The following ORC4 variants were observed in gnomAD, a reference collection of about 807,000 sequenced individuals.
The protein encoded by ORC4 is origin recognition complex subunit 4.
ORC4 carries 55 observed loss-of-function variants against 63.9 expected under a neutral mutation model. The ratio of observed to expected loss-of-function variants is 0.86; its 90% confidence interval spans 0.69 to 1.08. ORC4 has a LOEUF of 1.08. ORC4 is among the 50% of genes least tolerant of loss of function. The pLI is 0.00. For missense variants in ORC4, 511 were observed against 504.4 expected (o/e 1.01, Z -0.13); for synonymous variants, 150 against 168.5 (o/e 0.89, Z 0.85).
chr2:147,942,801 G>A (rs796243392), intron 10 of ORC4, among the ~76,000 whole-genome samples: 57 of 151,660 alleles, frequency 3.8e-4, no homozygotes, highest in East Asian at 2.7e-3. Flanking sequence ...AAAAAAAACC[G>A]TCACTATTTG....
At position 147,976,230 on chromosome 2, in the gene ORC4, G is replaced by A. The variant is rs2627027; in HGVS notation, c.-17-255C>T. Among the ~76,000 whole-genome samples the A allele has an allele frequency of 0.085, 12,978 of 151,832 alleles. 1,576 individuals carry two copies. The highest frequency in any genetic ancestry group is 0.27 in the African/African-American group (11,321 of 41,362). ...ATTTTTTTTTTAAAGTAAACTGAAGGTTTGTAGCAACTCTGTGTCCAACAA... is the reference window on the plus strand; with the variant it reads ...ATTTTTTTTTTAAAGTAAACTGAAGATTTGTAGCAACTCTGTGTCCAACAA... On this transcript the variant is annotated intron_variant, in intron 1 of 13. Transcript: ENST00000392857.
chr2:147,937,927 G>A (rs948745506), intron 13 of ORC4: 4 of 594,710 alleles, frequency 6.7e-6, no homozygotes, highest in African/African-American at 5.6e-5. Flanking sequence ...CAAGTGCTCT[G>A]AAGAGACAGC....
chr2:147,963,085 GACAA>G (rs1689697544), intron 4 of ORC4, among the ~76,000 whole-genome samples: 1 of 152,076 alleles, frequency 6.6e-6, no homozygotes, highest in Non-Finnish European at 1.5e-5. Flanking sequence ...TCCCAAACCT[GACAA>G]ACAGCACAGC....
In ORC4 at chr2:147,972,801, C is replaced by A; in HGVS notation, c.163G>T (p.Ala55Ser). 1 of 1,610,688 alleles carries A rather than the reference C, an allele frequency of 6.2e-7. No individual in the cohort carries two copies. Among genetic ancestry groups the A allele is most frequent in the Non-Finnish European group, 8.5e-7 (1 of 1,177,222 alleles). The change falls in exon 4 of 14, where the codon GCT becomes TCT. Residue 55 changes from alanine (A) to serine (S), a missense_variant. Coordinates refer to ENST00000392857, the MANE Select transcript of ORC4 (RefSeq NM_181741.4). Reference protein sequence around the residue: ...KHLSELLKRTALHGESNSVLI... With the variant: ...KHLSELLKRTSLHGESNSVLI... ...ACAGAGTTACTCTCTCCATGGAGAGCAGTTCTTTTCAGCAGCTCACTTAAG... is the reference window on the plus strand; with the variant it reads ...ACAGAGTTACTCTCTCCATGGAGAGAAGTTCTTTTCAGCAGCTCACTTAAG...
intron 1 of ORC4, among the ~76,000 whole-genome samples, chr2:148,002,743 G>C (rs928653339): frequency 1.3e-5 from 2 of 151,982 alleles, no homozygotes; most frequent in African/African-American, 4.8e-5. Flanking sequence ...GCCAGCAGAA[G>C]ACAAGAAATA....
intron 13 of ORC4, among the ~76,000 whole-genome samples, chr2:147,937,632 A>G (rs1688125774): frequency 6.6e-6 from 1 of 152,162 alleles, no homozygotes; most frequent in Admixed American, 6.6e-5. Context: ...TTTTTCTTAC[A>G]GGTACTAGAA....
intron 6 of ORC4, among the ~76,000 whole-genome samples, chr2:147,956,737 T>C (rs778389193): frequency 1.2e-4 from 19 of 152,102 alleles, no homozygotes; most frequent in Middle Eastern, 3.2e-3. Flanking sequence ...CATTTTTGGG[T>C]ACAACTTAAA....
intron 1 of ORC4, among the ~76,000 whole-genome samples, chr2:147,991,811 C>T (rs1691629810): frequency 6.6e-6 from 1 of 152,044 alleles, no homozygotes; most frequent in African/African-American, 2.4e-5. Context: ...CAGGGCAAGA[C>T]AGAGCAAGAC....
chr2:148,000,307 AACATTTGAT>A (rs1158885578), intron 1 of ORC4, among the ~76,000 whole-genome samples: 2 of 152,142 alleles, frequency 1.3e-5, no homozygotes, highest in Non-Finnish European at 2.9e-5. Flanking sequence ...AACAAAGAGA[AACATTTGAT>A]AAGTTTCAAA....
Position 147,931,741 on chromosome 2 carries a change from T to G in ORC4, c.*3769A>C, listed in dbSNP as rs1393819399. 1.3e-5 allele frequency: 2 copies of G among 152,074 alleles called. No homozygotes were observed. Among genetic ancestry groups the G allele is most frequent in the African/African-American group, 4.8e-5 (2 of 41,384 alleles). The allele number at this position is 152,074 out of a possible 1,614,324, so 9.4% of individuals were successfully genotyped here. A position where few individuals can be genotyped will look rare whatever the true frequency, so the allele number is the denominator to read the frequency against. On this transcript the variant is annotated 3_prime_UTR_variant, in exon 14 of 14. Coordinates refer to ENST00000392857, the MANE Select transcript of ORC4 (RefSeq NM_181741.4). ...TCTCAATAGATGCAGAAAAAGCCTT[T>G]GACAAAATTCAACAACCCTTCATGC...
intron 1 of ORC4, among the ~76,000 whole-genome samples, chr2:148,011,065 G>T (rs1489665383): frequency 2.0e-5 from 3 of 152,016 alleles, no homozygotes; most frequent in Non-Finnish European, 4.4e-5. Flanking sequence ...CTGGCTTCAA[G>T]AGATCTGCCT....
intron 1 of ORC4, among the ~76,000 whole-genome samples, chr2:147,995,176 C>T (rs1317691986): frequency 6.6e-6 from 1 of 150,636 alleles, no homozygotes; most frequent in African/African-American, 2.5e-5. Flanking sequence ...CTGTGTCTAG[C>T]TAAAGGATTG....
chr2:147,939,216 G>A lies in ORC4; in HGVS notation c.882C>T (p.His294=). 3 of 1,612,502 alleles carry A rather than the reference G, an allele frequency of 1.9e-6. No individual in the cohort carries two copies. Among genetic ancestry groups the A allele is most frequent in the Non-Finnish European group, 2.5e-6 (3 of 1,178,710 alleles). ...MLALNRVTAS[H]PFMTAVDLME... ...TTAGATCTACGGCAGTCATAAATGG[G>A]TGCGATGCTGTTACTCGATTTAAAG... is the stretch of plus-strand genomic sequence containing the variant. Residue 294 remains histidine (H), a synonymous_variant, in exon 11 of 14, where the codon CAC becomes CAT. Coordinates refer to ENST00000392857, the MANE Select transcript of ORC4 (RefSeq NM_181741.4).
At chr2:147,979,087 A>G (rs571235209) in intron 1 of ORC4, among the ~76,000 whole-genome samples, 3 of 152,322 alleles carry the variant, frequency 2.0e-5, no homozygotes, top group African/African-American at 7.2e-5. Context: ...TTTATATTCA[A>G]TATAGTACTG....
intron 1 of ORC4, among the ~76,000 whole-genome samples, chr2:148,008,871 G>C (rs968786989): frequency 6.6e-6 from 1 of 151,896 alleles, no homozygotes; most frequent in Non-Finnish European, 1.5e-5. Flanking sequence ...AGCTTGCCTT[G>C]CTGAATATTA....
intron 8 of ORC4, among the ~76,000 whole-genome samples, chr2:147,949,144 G>A (rs1328242447): frequency 1.4e-5 from 2 of 144,880 alleles, no homozygotes; most frequent in Non-Finnish European, 3.1e-5. Context: ...CAAAAAAAGT[G>A]TATGTGAATG....
At chr2:147,995,747 C>T (rs1017191465) in intron 1 of ORC4, among the ~76,000 whole-genome samples, 1 of 152,116 alleles carries the variant, frequency 6.6e-6, no homozygotes, top group South Asian at 2.1e-4. Flanking sequence ...AAGGAAGAAA[C>T]TCCGGACACA....
Position 147,935,576 on chromosome 2 carries a change from C to G in ORC4, c.1245G>C (p.Leu415=). 1 of 1,613,842 alleles carries G rather than the reference C, an allele frequency of 6.2e-7. No homozygotes were observed. Reference sequence around the variant, plus strand: ...CTGTAGGACAGTTGGGATATTTCTGCAGAGCATTCATAATTTGAGTATTAT... The same window carrying G: ...CTGTAGGACAGTTGGGATATTTCTGGAGAGCATTCATAATTTGAGTATTAT... The part of the protein sequence containing the change: ...LLDNTQIMNA[L]QKYPNCPTDV... Residue 415 remains leucine (L), a synonymous_variant, in exon 14 of 14, where the codon CTG becomes CTC. Transcript: ENST00000392857.
At chr2:147,957,069 T>G (rs1031667379) in intron 6 of ORC4, among the ~76,000 whole-genome samples, 4 of 149,214 alleles carry the variant, frequency 2.7e-5, no homozygotes, top group African/African-American at 7.3e-5. Context: ...CCTTTTAGAT[T>G]AGATTAACAT....
Sources: gnomAD v4.1 joint callset for allele counts (sites outside exome capture counted in the v4.1 genomes callset) on GRCh38, gnomAD v4.1.1 for gene constraint, MANE v1.5 for transcripts, NCBI Gene and HGNC (gene_info 2026-07-23, HGNC 2026-07-21) for gene names.